Variants in NEB observed in about 807,000 individuals in gnomAD.
NEB encodes the protein nemaline myopathy type 2.
A neutral mutation model predicts 952.2 loss-of-function variants in NEB; 512 were observed. The observed-to-expected ratio is 0.54, with a 90% confidence interval of 0.50 to 0.58. The LOEUF (loss-of-function observed/expected upper bound fraction) is 0.58. NEB is among the 20% of genes least tolerant of loss of function. The probability of loss-of-function intolerance (pLI) is 0.00; values close to 1 mark genes in which losing one functional copy is unlikely to be tolerated. For missense variants in NEB, 8,428 were observed against 9,231.1 expected, an observed-to-expected ratio of 0.91 and a Z score of 3.56; for synonymous variants, 2,900 against 3,149.8, an observed-to-expected ratio of 0.92 and a Z score of 2.66.
chr2:151,696,568 A>T (rs1481586684), intron 17 of NEB, 69 bp downstream of exon 17: 1 of 1,210,712 alleles, frequency 8.3e-7, no homozygotes, highest in Non-Finnish European at 1.2e-6. Context: ...AAGTCATTGG[A>T]TTTTATGTAT....
chr2:151,652,450 C>G (rs2099041354), intron 52 of NEB, among the ~76,000 whole-genome samples: 1 of 152,082 alleles, frequency 6.6e-6, no homozygotes, highest in African/African-American at 2.4e-5. Flanking sequence ...GTCTTGAACT[C>G]CTGGCTTCAA....
chr2:151,696,951 G>C (rs2099601141), intron 16 of NEB, among the ~76,000 whole-genome samples, 197 bp downstream of exon 16: 1 of 152,126 alleles, frequency 6.6e-6, no homozygotes, highest in African/African-American at 2.4e-5. Flanking sequence ...CTCTTCTTTG[G>C]GAAAATGAGC....
At chr2:151,658,174 G>T in intron 47 of NEB, 84 bp from the exon 48 acceptor site, 3 of 1,031,444 alleles carry the variant, frequency 2.9e-6, no homozygotes, top group South Asian at 1.5e-5. Flanking sequence ...CCACTGTGGC[G>T]TCTTTTTTTT....
rs371670376 is a variant in NEB at position 151,663,662 on chromosome 2, C to T, written c.5649G>A (p.Lys1883=). Residue 1883 remains lysine (K), a synonymous_variant, in exon 45 of 182, where the codon AAG becomes AAA. Transcript: ENST00000397345. ...TGGCATTGGTGGCCACTTCCTGAGA[C>T]TTCTTGGCTGCCACCACACTGAGCA... ...VDMLSVVAAK[K]SQEVATNANY... is the part of the protein sequence containing the mutation. The T allele has an allele frequency of 2.0e-5, 32 of 1,613,656 alleles. No homozygotes were observed. The highest frequency in any genetic ancestry group is 2.6e-5 in the Non-Finnish European group (31 of 1,179,776).
At chr2:151,713,742 A>C (rs938742595) in intron 10 of NEB, among the ~76,000 whole-genome samples, 49 of 152,164 alleles carry the variant, frequency 3.2e-4, no homozygotes, top group African/African-American at 1.2e-3. Flanking sequence ...TCTATGAACA[A>C]CTCTGACTGT....
At chr2:151,503,043 T>C in intron 166 of NEB, 158 bp from the exon 167 acceptor site, 1 of 598,996 alleles carries the variant, frequency 1.7e-6, no homozygotes, top group Non-Finnish European at 2.9e-6. Flanking sequence ...GTTTTAATGA[T>C]GAACTCTACA....
intron 5 of NEB, among the ~76,000 whole-genome samples, chr2:151,726,520 C>T (rs2099790914): frequency 6.6e-6 from 1 of 152,088 alleles, no homozygotes; most frequent in African/African-American, 2.4e-5. Flanking sequence ...TTTTTTAAGC[C>T]TCCAGAGGAC....
chr2:151,525,772 T>C (rs1327258121), intron 150 of NEB, among the ~76,000 whole-genome samples, 186 bp downstream of exon 150: 3 of 152,228 alleles, frequency 2.0e-5, no homozygotes, highest in African/African-American at 7.2e-5. Flanking sequence ...TTTGCCATAA[T>C]TGCCAGAATT....
chr2:151,627,650 A>C lies in NEB; in HGVS notation c.10016T>G (p.Val3339Gly), dbSNP rs778763661. Residue 3339 changes from valine (V) to glycine (G), a missense_variant, in exon 69 of 182, where the codon GTG becomes GGG. By Grantham distance (109) the Val-to-Gly change is moderately radical. Coordinates refer to ENST00000397345, the MANE Select transcript of NEB (RefSeq NM_001164508.2). ...FSSPVDMLGV[V>G]LAKKCQTLVS... ...TAAGGTCTGGCACTTCTTGGCTAAC[A>C]CCACTCCCAGCATGTCCACTGGGCT... 13 of 1,613,766 alleles carry C rather than the reference A, an allele frequency of 8.1e-6. No homozygotes were observed. Among genetic ancestry groups the C allele is most frequent in the Non-Finnish European group, 1.0e-5 (12 of 1,179,862 alleles).
At chr2:151,569,399 C>G (rs759434584) in intron 109 of NEB, 27 bp from the exon 110 acceptor site, 2 of 1,555,940 alleles carry the variant, frequency 1.3e-6, no homozygotes, top group Admixed American at 3.3e-5. Flanking sequence ...AGAATGAGTT[C>G]AGCAACCCTG....
chr2:151,610,876 A>G lies in NEB; in HGVS notation c.11806-10T>C, dbSNP rs746609595. 2 of 1,555,290 alleles carry G rather than the reference A, an allele frequency of 1.3e-6. No homozygotes were observed. The highest frequency in any genetic ancestry group is 8.7e-7 in the Non-Finnish European group (1 of 1,144,220). On this transcript the variant is annotated splice_polypyrimidine_tract_variant and intron_variant, in intron 78 of 181. Coordinates refer to ENST00000397345, the MANE Select transcript of NEB (RefSeq NM_001164508.2). ...CTTCTGTGTATAAATGCTACAGGGC[A>G]GGGCGGCATGGGGCATGGGGAGAGG...
intron 114 of NEB, among the ~76,000 whole-genome samples, chr2:151,566,945 TA>T (rs1560014744): frequency 6.6e-6 from 1 of 152,060 alleles, no homozygotes; most frequent in South Asian, 2.1e-4. Context: ...AGATTTTTTT[TA>T]AAAAAATTTG....
Position 151,512,718 on chromosome 2 carries a change from G to A in NEB, c.23346+15C>T. On this transcript the variant is annotated intron_variant, in intron 161 of 181. Transcript: ENST00000397345. ...GATTGGGGTTTATGAGTGATGGCAT[G>A]ACGAATGTCCTTACCTGGCTTGAAA... The A allele has an allele frequency of 1.3e-6, 2 of 1,578,290 alleles. No homozygotes were observed. Among genetic ancestry groups the A allele is most frequent in the Non-Finnish European group, 1.7e-6 (2 of 1,147,754 alleles).
intron 70 of NEB, among the ~76,000 whole-genome samples, 175 bp downstream of exon 70, chr2:151,626,827 G>T (rs999189411): frequency 6.6e-6 from 1 of 152,224 alleles, no homozygotes. Flanking sequence ...CACAAGAGAT[G>T]TCAAAGCAGA....
intron 71 of NEB, among the ~76,000 whole-genome samples, chr2:151,624,214 A>G (rs1487455992): frequency 6.6e-6 from 1 of 152,138 alleles, no homozygotes; most frequent in Admixed American, 6.5e-5. Context: ...CTACATTAAT[A>G]TATTGCACTG....
intron 116 of NEB, 31 bp downstream of exon 116, chr2:151,565,470 G>A (rs773765538): frequency 3.6e-6 from 5 of 1,371,754 alleles, no homozygotes; most frequent in Admixed American, 1.9e-5. Flanking sequence ...TCCCCAGTCT[G>A]TGCACTTCAG....
intron 65 of NEB, among the ~76,000 whole-genome samples, chr2:151,632,677 G>GAAAA (rs761404681): frequency 2.0e-4 from 10 of 50,396 alleles, no homozygotes; most frequent in Admixed American, 4.5e-4. Flanking sequence ...CTCTGTCTCA[G>GAAAA]AAAAAAAAAA....
chr2:151,694,687 T>A, intron 18 of NEB, 58 bp from the exon 19 acceptor site: 2 of 1,330,450 alleles, frequency 1.5e-6, no homozygotes, highest in Non-Finnish European at 2.1e-6. Context: ...TCACGACCTT[T>A]AAAGACTAGT....
At chr2:151,719,797 T>C (rs576359540) in intron 9 of NEB, among the ~76,000 whole-genome samples, 51 of 150,148 alleles carry the variant, frequency 3.4e-4, no homozygotes, top group African/African-American at 8.8e-4. Context: ...GAGGATCACT[T>C]GAGCCTGGGA....
Sources: gnomAD v4.1 joint callset for allele counts (sites outside exome capture counted in the v4.1 genomes callset) on GRCh38, gnomAD v4.1.1 for gene constraint, MANE v1.5 for transcripts, NCBI Gene and HGNC (gene_info 2026-07-23, HGNC 2026-07-21) for gene names.